Variants in UVRAG observed in about 807,000 individuals in gnomAD.
UVRAG encodes UV radiation resistance associated.
Under a neutral mutation model 78.0 loss-of-function variants are expected in UVRAG, and 19 were observed. The ratio of observed to expected loss-of-function variants is 0.24; its 90% CI spans 0.17 to 0.36. The LOEUF is 0.36. Ranked by LOEUF, UVRAG falls within the 10% of genes least tolerant of loss-of-function variation. The probability of loss-of-function intolerance (pLI) is 1.00; values close to 1 mark genes in which losing one functional copy is unlikely to be tolerated. For synonymous variants in UVRAG, 323 were observed against 324.6 expected, an observed-to-expected ratio of 1.00 and a Z score of 0.05; for missense variants, 740 against 853.8, an observed-to-expected ratio of 0.87 and a Z score of 1.66.
At chr11:76,002,111 C>A (rs147964953) in intron 8 of UVRAG, among the ~76,000 whole-genome samples, 3 of 152,198 alleles carry the variant, frequency 2.0e-5, no homozygotes, top group African/African-American at 7.2e-5. Context: ...ACCTGAACAA[C>A]CCCTGTAGAG....
chr11:76,132,795 T>C (rs1419723027), intron 14 of UVRAG, among the ~76,000 whole-genome samples: 1 of 152,172 alleles, frequency 6.6e-6, no homozygotes. Context: ...AAGGAAAATA[T>C]ACCAATCCAC....
intron 1 of UVRAG, among the ~76,000 whole-genome samples, chr11:75,846,247 G>T (rs1443134465): frequency 1.3e-5 from 2 of 152,172 alleles, no homozygotes; most frequent in Non-Finnish European, 2.9e-5. Context: ...GTGTTATTAA[G>T]ACTTACCGCG....
At chr11:76,042,245 A>G (rs963079171) in intron 12 of UVRAG, among the ~76,000 whole-genome samples, 1 of 152,224 alleles carries the variant, frequency 6.6e-6, no homozygotes, top group Non-Finnish European at 1.5e-5. Context: ...TTAGATACAC[A>G]CACAGACAAA....
At chr11:76,098,784 G>A (rs969134673) in intron 13 of UVRAG, among the ~76,000 whole-genome samples, 5 of 151,816 alleles carry the variant, frequency 3.3e-5, no homozygotes, top group African/African-American at 7.3e-5. Flanking sequence ...GATTTTTTTC[G>A]TACCCCCAAC....
intron 12 of UVRAG, among the ~76,000 whole-genome samples, chr11:76,022,810 T>C (rs1050685330): frequency 2.0e-4 from 30 of 152,346 alleles, no homozygotes; most frequent in African/African-American, 7.0e-4. Flanking sequence ...ATTTGTTTTC[T>C]GTATGTCTTA....
chr11:76,050,465 T>C (rs752897948), intron 12 of UVRAG, among the ~76,000 whole-genome samples: 2 of 152,196 alleles, frequency 1.3e-5, no homozygotes, highest in Non-Finnish European at 2.9e-5. Context: ...TTAACACCCA[T>C]GTCCTCAAGG....
chr11:76,025,267 A>G (rs1430854240), intron 12 of UVRAG, among the ~76,000 whole-genome samples: 1 of 152,180 alleles, frequency 6.6e-6, no homozygotes, highest in Non-Finnish European at 1.5e-5. Flanking sequence ...CTGAGGACTG[A>G]AAAGTATGTT....
chr11:75,939,159 G>A lies in UVRAG; in HGVS notation c.594-22285G>A, dbSNP rs1042989159. Among the ~76,000 whole-genome samples the A allele has an allele frequency of 4.6e-5, 7 of 151,906 alleles. No homozygotes were observed. The East Asian group carries it at 7.7e-4, about 17-fold the overall frequency. ...CTGTCACTCTATTTTGGCCAGATGC[G>A]GAATAAATTTTGCTGGTTCTTAACA... is the stretch of plus-strand genomic sequence containing the variant. On this transcript the variant is annotated intron_variant, in intron 6 of 14. Transcript: ENST00000356136.
At chr11:75,838,910 G>A (rs1242560271) in intron 1 of UVRAG, 1 of 152,220 alleles carries the variant, frequency 6.6e-6, no homozygotes, top group African/African-American at 2.4e-5. Context: ...AGAACTGGTG[G>A]CTTTATAAGA....
intron 1 of UVRAG, among the ~76,000 whole-genome samples, chr11:75,819,702 C>G (rs58572730): frequency 6.6e-6 from 1 of 151,536 alleles, no homozygotes; most frequent in Non-Finnish European, 1.5e-5. Flanking sequence ...AGCACGGTGG[C>G]TCATGCCTCT....
chr11:75,989,798 C>T (rs1344079597), intron 8 of UVRAG, among the ~76,000 whole-genome samples: 1 of 152,224 alleles, frequency 6.6e-6, no homozygotes, highest in East Asian at 1.9e-4. Context: ...ATTTGGTAAG[C>T]CCTTTCAGGG....
At position 75,893,579 on chromosome 11, in the gene UVRAG, G is replaced by A. The variant is rs1212946920; in HGVS notation, c.507+4676G>A. 3.5e-5 allele frequency among the ~76,000 whole-genome samples: 5 copies of A among 142,696 alleles called. No homozygotes were observed. The Admixed American group carries it at 3.7e-4, about 11-fold the overall frequency. 93.6% of individuals were successfully genotyped at this position (142,696 alleles called of 152,430 possible). On this transcript the variant is annotated intron_variant, in intron 5 of 14. Transcript: ENST00000356136. ...AGAAGAAATAGGTCTTCAATGCGCT[G>A]TTAATTATTAATTGTTTCTAGTAAA...
intron 12 of UVRAG, among the ~76,000 whole-genome samples, chr11:76,053,308 A>AACACAC (rs377457433): frequency 5.9e-4 from 83 of 140,772 alleles, no homozygotes; most frequent in Middle Eastern, 3.6e-3. Context: ...TCTGTCTCAA[A>AACACAC]ACACACACAC....
chr11:76,124,685 A>G (rs1389139356), intron 14 of UVRAG, among the ~76,000 whole-genome samples: 1 of 152,262 alleles, frequency 6.6e-6, no homozygotes, highest in African/African-American at 2.4e-5. Context: ...AGAAGTAACT[A>G]GTGGCTTTAT....
chr11:76,090,002 G>A (rs115784548), intron 13 of UVRAG, among the ~76,000 whole-genome samples: 1,992 of 152,162 alleles, frequency 0.013, 46 homozygotes, highest in African/African-American at 0.045. Context: ...TTCTACCTCC[G>A]CCCTCGCTAG....
At chr11:75,854,512 G>A (rs867330532) in intron 2 of UVRAG, among the ~76,000 whole-genome samples, 135 of 152,170 alleles carry the variant, frequency 8.9e-4, no homozygotes, top group African/African-American at 3.0e-3. Context: ...CGCCTCCCAC[G>A]TTCAAGCGAT....
intron 14 of UVRAG, among the ~76,000 whole-genome samples, chr11:76,126,242 G>A (rs1952390805): frequency 6.6e-6 from 1 of 151,904 alleles, no homozygotes; most frequent in South Asian, 2.1e-4. Context: ...TGCCCGGCCT[G>A]GCAGTCACAT....
At chr11:76,090,698 A>G (rs932503023) in intron 13 of UVRAG, among the ~76,000 whole-genome samples, 1 of 151,728 alleles carries the variant, frequency 6.6e-6, no homozygotes, top group Non-Finnish European at 1.5e-5. Flanking sequence ...TTTGGAGCTT[A>G]TTTTCTTATT....
At chr11:76,047,514 A>G (rs1950782427) in intron 12 of UVRAG, among the ~76,000 whole-genome samples, 2 of 152,102 alleles carry the variant, frequency 1.3e-5, no homozygotes, top group African/African-American at 4.8e-5. Context: ...CCCCACTGGC[A>G]CCCTGCCTCT....
Sources: allele counts gnomAD v4.1 joint callset (sites outside exome capture counted in the v4.1 genomes callset), GRCh38; gene constraint gnomAD v4.1.1; transcripts MANE v1.5; gene names NCBI Gene and HGNC (gene_info 2026-07-23, HGNC 2026-07-21).